NDC1: variants seen among roughly 807,000 people sequenced by gnomAD.
NDC1 encodes the protein nucleoporin NDC1.
Under a neutral mutation model 89.8 loss-of-function variants are expected in NDC1, and 24 were observed. The observed-to-expected ratio is 0.27, with a 90% CI of 0.19 to 0.38. The LOEUF (loss-of-function observed/expected upper bound fraction) is 0.38, where lower values mean the gene tolerates loss of function less well. Among genes scored for constraint, NDC1 ranks in the 10% least tolerant of loss-of-function variants. NDC1 has a pLI of 1.00. For synonymous variants in NDC1, 296 were observed against 284.8 expected (o/e 1.04, Z -0.39); for missense variants, 728 against 797.6 (o/e 0.91, Z 1.05).
chr1:53,821,260 C>A lies in NDC1; in HGVS notation c.595-2181G>T, dbSNP rs111352977. Among the ~76,000 whole-genome samples, 471 of 151,874 alleles carry A rather than the reference C, an allele frequency of 3.1e-3. 3 individuals are homozygous for A. The highest frequency in any genetic ancestry group is 0.011 in the African/African-American group (451 of 41,460). ...ACCAGCCTGGCCATCATGGCAAAGCCCCGTCTCTACTAAAAATACAAAAAT... is the reference window on the plus strand; with the variant it reads ...ACCAGCCTGGCCATCATGGCAAAGCACCGTCTCTACTAAAAATACAAAAAT... On this transcript the variant is annotated intron_variant, in intron 5 of 17. Coordinates refer to ENST00000371429, the MANE Select transcript of NDC1 (RefSeq NM_018087.5).
intron 16 of NDC1, among the ~76,000 whole-genome samples, chr1:53,779,618 C>T (rs762472082): frequency 3.3e-5 from 5 of 152,062 alleles, no homozygotes; most frequent in African/African-American, 7.2e-5. Context: ...GGGTGGCCTG[C>T]GAAGGACTTG....
intron 17 of NDC1, among the ~76,000 whole-genome samples, chr1:53,771,704 A>G (rs1156703835): frequency 2.0e-5 from 3 of 152,228 alleles, no homozygotes; most frequent in East Asian, 3.8e-4. Flanking sequence ...CGTGTCTTCT[A>G]AAGTTCATTT....
intron 7 of NDC1, 65 bp from the exon 8 acceptor site, chr1:53,807,856 A>C: frequency 7.0e-7 from 1 of 1,423,954 alleles, no homozygotes; most frequent in Non-Finnish European, 9.6e-7. Flanking sequence ...AACACACTTA[A>C]GTCTCCACAT....
At chr1:53,801,010 G>T (rs1264341934) in intron 10 of NDC1, among the ~76,000 whole-genome samples, 162 bp from the exon 11 acceptor site, 1 of 151,712 alleles carries the variant, frequency 6.6e-6, no homozygotes, top group Non-Finnish European at 1.5e-5. Context: ...ATACACAGCA[G>T]GAGTTCAATG....
At chr1:53,785,750 C>CT (rs1293575889) in intron 16 of NDC1, among the ~76,000 whole-genome samples, 2 of 151,770 alleles carry the variant, frequency 1.3e-5, no homozygotes, top group Non-Finnish European at 2.9e-5. Flanking sequence ...TTTTTTAAAA[C>CT]TTTTTTGTAG....
chr1:53,797,793 T>C (rs536551047), intron 11 of NDC1, among the ~76,000 whole-genome samples: 15 of 152,238 alleles, frequency 9.9e-5, no homozygotes, highest in African/African-American at 3.1e-4. Context: ...CATGCCTGGC[T>C]AATTTTTTTA....
At chr1:53,787,804 T>C (rs1287032762) in intron 15 of NDC1, among the ~76,000 whole-genome samples, 1 of 150,666 alleles carries the variant, frequency 6.6e-6, no homozygotes, top group Non-Finnish European at 1.5e-5. Flanking sequence ...TGGCTTTACA[T>C]TCTATTAGGA....
At chr1:53,835,659 T>G in intron 1 of NDC1, 39 bp from the exon 2 acceptor site, 1 of 1,571,124 alleles carries the variant, frequency 6.4e-7, no homozygotes, top group Non-Finnish European at 8.6e-7. Flanking sequence ...ATGAAGTCAG[T>G]TAAATTATTT....
chr1:53,780,031 C>A (rs759491242), intron 16 of NDC1, among the ~76,000 whole-genome samples: 7 of 152,078 alleles, frequency 4.6e-5, no homozygotes, highest in Non-Finnish European at 1.0e-4. Context: ...TCAGATTCAC[C>A]TGTCATATGT....
rs1254202931 is a variant in NDC1, at chr1:53,765,915, C to T, written c.*2055G>A. 1 of 152,066 alleles carries T rather than the reference C, an allele frequency of 6.6e-6. No individual in the cohort carries two copies. Among genetic ancestry groups the T allele is most frequent in the African/African-American group, 2.4e-5 (1 of 41,374 alleles). 9.4% of individuals were successfully genotyped at this position (152,066 alleles called of 1,614,324 possible). ...CCTCCTAGTACACAGGAGGAGTTCC[C>T]CATAATAACACCCTGGTTCCAACAG... On this transcript the variant is annotated 3_prime_UTR_variant, in exon 18 of 18. Coordinates refer to ENST00000371429, the MANE Select transcript of NDC1 (RefSeq NM_018087.5).
At chr1:53,813,042 C>G (rs1033268005) in intron 6 of NDC1, among the ~76,000 whole-genome samples, 1 of 152,190 alleles carries the variant, frequency 6.6e-6, no homozygotes, top group African/African-American at 2.4e-5. Context: ...CAGCCTTTTT[C>G]AGACAAATAA....
At chr1:53,827,889 C>A in intron 4 of NDC1, 110 bp downstream of exon 4, 2 of 774,600 alleles carry the variant, frequency 2.6e-6, no homozygotes, top group African/African-American at 1.8e-5. Flanking sequence ...CAAAAAGCAC[C>A]TTTTGCAGAA....
intron 11 of NDC1, among the ~76,000 whole-genome samples, chr1:53,799,648 T>C (rs1570191602): frequency 6.6e-6 from 1 of 152,288 alleles, no homozygotes; most frequent in Middle Eastern, 3.4e-3. Flanking sequence ...AGTTCACATA[T>C]GGGATCCAAA....
chr1:53,820,862 C>T (rs950038420), intron 5 of NDC1, among the ~76,000 whole-genome samples: 3 of 151,466 alleles, frequency 2.0e-5, no homozygotes, highest in South Asian at 2.1e-4. Flanking sequence ...AGGCACGCCA[C>T]GCCTGGCTAA....
intron 6 of NDC1, among the ~76,000 whole-genome samples, chr1:53,815,302 A>G (rs1424341837): frequency 2.6e-5 from 4 of 152,232 alleles, no homozygotes; most frequent in African/African-American, 7.2e-5. Flanking sequence ...TTTAACATAC[A>G]CAAGTCAATA....
At chr1:53,787,792 T>C (rs898657959) in intron 15 of NDC1, among the ~76,000 whole-genome samples, 3 of 150,884 alleles carry the variant, frequency 2.0e-5, no homozygotes, top group African/African-American at 4.9e-5. Context: ...AATAACAGTC[T>C]CTGGCTTTAC....
At chr1:53,779,360 C>A (rs991712524) in intron 16 of NDC1, among the ~76,000 whole-genome samples, 3 of 146,396 alleles carry the variant, frequency 2.0e-5, no homozygotes, top group African/African-American at 7.5e-5. Flanking sequence ...CTATAACATA[C>A]TTTTTTTTTT....
In NDC1 at chr1:53,765,540, T is replaced by G. The variant is rs1447063983; in HGVS notation, c.*2430A>C. The G allele has an allele frequency of 6.6e-6, 1 of 152,076 alleles. No individual in the cohort carries two copies. Among genetic ancestry groups the G allele is most frequent in the East Asian group, 1.9e-4 (1 of 5,188 alleles). The allele number at this position is 152,076 out of a possible 1,614,324, so 9.4% of individuals were successfully genotyped here. A position where few individuals can be genotyped will look rare whatever the true frequency, so the allele number is the denominator to read the frequency against. On this transcript the variant is annotated 3_prime_UTR_variant, in exon 18 of 18. Transcript: ENST00000371429. ...AGTATCAACGATATACAAAAGGATA[T>G]AAACAGACTATCATGAATATTTACA...
intron 16 of NDC1, among the ~76,000 whole-genome samples, chr1:53,781,797 C>T (rs1296737165): frequency 6.6e-6 from 1 of 152,074 alleles, no homozygotes; most frequent in Non-Finnish European, 1.5e-5. Flanking sequence ...CACATTCCTG[C>T]CTCTCAAAAC....
Sources: allele counts gnomAD v4.1 joint callset (sites outside exome capture counted in the v4.1 genomes callset), GRCh38; gene constraint gnomAD v4.1.1; transcripts MANE v1.5; gene names NCBI Gene and HGNC (gene_info 2026-07-23, HGNC 2026-07-21).